The following SETD1A variants were observed in gnomAD, a reference collection of about 807,000 sequenced individuals.
The protein encoded by SETD1A is histone-lysine N-methyltransferase SETD1A.
SETD1A carries 29 observed loss-of-function variants against 149.9 expected under a neutral mutation model. That is an observed-to-expected ratio of 0.19 (90% CI 0.14 to 0.26). SETD1A has a LOEUF of 0.26. Among genes scored for constraint, SETD1A ranks in the 10% least tolerant of loss-of-function variants. The pLI is 1.00. For missense variants in SETD1A, 2,109 were observed against 2,353.1 expected (o/e 0.90, Z 2.15); for synonymous variants, 1,141 against 968.5 (o/e 1.18, Z -3.31).
intron 13 of SETD1A, among the ~76,000 whole-genome samples, chr16:30,972,350 T>C (rs1364071608): frequency 1.3e-5 from 2 of 152,090 alleles, no homozygotes; most frequent in East Asian, 1.9e-4. Context: ...AAGAAATACA[T>C]AGGAGGCCGG....
intron 1 of SETD1A, 41 bp from the exon 2 acceptor site, chr16:30,958,676 C>G: frequency 6.4e-7 from 1 of 1,559,200 alleles, no homozygotes; most frequent in Non-Finnish European, 8.8e-7. Context: ...AGTCAGGCCC[C>G]AAGTCCTGAT....
chr16:30,966,481 G>A (rs2056149206), intron 8 of SETD1A, 95 bp downstream of exon 8: 3 of 1,463,322 alleles, frequency 2.1e-6, no homozygotes, highest in Middle Eastern at 2.3e-4. Flanking sequence ...GGAGACAGGT[G>A]ATGGAGGCGA....
intron 5 of SETD1A, among the ~76,000 whole-genome samples, 153 bp from the exon 6 acceptor site, chr16:30,963,941 G>A (rs985575269): frequency 1.3e-5 from 2 of 151,698 alleles, no homozygotes; most frequent in Non-Finnish European, 2.9e-5. Flanking sequence ...GCAGTGAGCC[G>A]AGATCACGCC....
At position 30,979,198 on chromosome 16, in the gene SETD1A, G is replaced by C. The variant is rs563624333; in HGVS notation, c.3412G>C (p.Ala1138Pro). The C allele has an allele frequency of 2.4e-5, 38 of 1,587,978 alleles. No individual in the cohort carries two copies. The African/African-American group carries it at 4.2e-4, about 17-fold the overall frequency. Residue 1138 changes from alanine to proline, a missense_variant, in exon 14 of 19, where the codon GCT (alanine) becomes CCT (proline). Physicochemically the swap from Ala to Pro is conservative, Grantham distance 27. Around this residue, in one of 8 missense-constraint regions of SETD1A, gnomAD observed 832 missense variants for 815.6 expected, o/e 1.02. Coordinates refer to ENST00000262519, the MANE Select transcript of SETD1A (RefSeq NM_014712.3). ...SAPLRPPEPP[A>P]GPPAPAPRPD... ...GCCTCTGCGTCCCCCAGAACCACCT[G>C]CTGGGCCCCCGGCCCCTGCCCCACG...
chr16:30,959,134 G>T lies in SETD1A; in HGVS notation c.194G>T (p.Cys65Phe). The T allele has an allele frequency of 6.2e-7, 1 of 1,613,958 alleles. No individual in the cohort carries two copies. Among genetic ancestry groups the T allele is most frequent in the African/African-American group, 1.3e-5 (1 of 75,016 alleles). ...IPVEDLQDPR[C>F]HVRSKNRDFS... ...GTCGAAGACCTCCAAGACCCCCGTT[G>T]CCATGTCAGGTCCAAAAACAGAGAC... The change falls in exon 3 of 19, where the codon TGC (cysteine) becomes TTC (phenylalanine). Residue 65 changes from cysteine to phenylalanine, a missense_variant. Transcript: ENST00000262519.
In SETD1A at chr16:30,971,656, A is replaced by G; in HGVS notation, c.3295A>G (p.Arg1099Gly). The G allele has an allele frequency of 6.2e-7, 1 of 1,608,956 alleles. No homozygotes were observed. The highest frequency in any genetic ancestry group is 8.5e-7 in the Non-Finnish European group (1 of 1,176,342). The part of the protein sequence containing the change: ...PAPVEVPVPE[R>G]VAGSPVTPLP... ...ACCTGTGGAGGTGCCAGTGCCGGAA[A>G]GGGTTGCAGGCTCCCCAGTCACACC... Residue 1099 changes from arginine to glycine, a missense_variant, in exon 13 of 19, where the codon AGG (arginine) becomes GGG (glycine). Transcript: ENST00000262519.
In SETD1A at chr16:30,966,232, C is replaced by T. The variant is rs2056145383; in HGVS notation, c.2351C>T (p.Thr784Ile). 2 of 1,613,746 alleles carry T rather than the reference C, an allele frequency of 1.2e-6. No homozygotes were observed. The highest frequency in any genetic ancestry group is 1.7e-6 in the Non-Finnish European group (2 of 1,179,978). ...GAAGCAGAGCTGGCAGAGGGCAAGACCCTCCCGACAGCAGGCACCGTGGGC... is the reference window on the plus strand; with the variant it reads ...GAAGCAGAGCTGGCAGAGGGCAAGATCCTCCCGACAGCAGGCACCGTGGGC... ...REEAELAEGK[T>I]LPTAGTVGRV... Residue 784 changes from threonine (T) to isoleucine (I), a missense_variant, in exon 8 of 19, where the codon ACC becomes ATC. Thr to Ile is a moderately conservative substitution (Grantham distance 89, BLOSUM62 -1). Transcript: ENST00000262519.
In SETD1A at chr16:30,958,697, T is replaced by A; in HGVS notation, c.-15-20T>A. ...GCCCCAAGTCCTGATCCTTCTTGCG[T>A]GTCCCTCTTCCCCTAACAGTGTAAA... is the stretch of plus-strand genomic sequence containing the variant. On this transcript the variant is annotated intron_variant, in intron 1 of 18. Transcript: ENST00000262519. The A allele has an allele frequency of 6.2e-7, 1 of 1,610,858 alleles. No homozygotes were observed. Among genetic ancestry groups the A allele is most frequent in the Non-Finnish European group, 8.5e-7 (1 of 1,177,606 alleles).
intron 13 of SETD1A, 145 bp from the exon 14 acceptor site, chr16:30,979,000 G>C: frequency 1.3e-6 from 1 of 765,308 alleles, no homozygotes; most frequent in Non-Finnish European, 2.1e-6. Context: ...GCTGGGATGT[G>C]GGGCTGAGGC....
intron 13 of SETD1A, among the ~76,000 whole-genome samples, chr16:30,978,022 C>A (rs911159680): frequency 1.3e-5 from 2 of 151,594 alleles, no homozygotes; most frequent in Non-Finnish European, 3.0e-5. Context: ...ACGCCTGTAA[C>A]CCCAGCACTT....
At position 30,983,540 on chromosome 16, in the gene SETD1A, C is replaced by A. The variant is rs942815646; in HGVS notation, c.4813-95C>A. On this transcript the variant is annotated intron_variant, in intron 17 of 18. Coordinates refer to ENST00000262519, the MANE Select transcript of SETD1A (RefSeq NM_014712.3). The surrounding 1 kb of genome is among the most constrained non-coding windows in gnomAD (Gnocchi z 6.8). ...CTGGAGGCAGAGCTGCAGCTCCAGG[C>A]CTGGTGGGCGTGGACCTGGGGTGCT... 7.0e-6 allele frequency: 10 copies of A among 1,438,474 alleles called. No individual in the cohort carries two copies. Among genetic ancestry groups the A allele is most frequent in the Non-Finnish European group, 9.5e-6 (10 of 1,053,666 alleles). The allele number at this position is 1,438,474 out of a possible 1,614,324, so 89.1% of individuals were successfully genotyped here.
rs973524399 is a variant in SETD1A at position 30,971,236 on chromosome 16, T to G, written c.3017-142T>G. 3.7e-6 allele frequency: 3 copies of G among 811,994 alleles called. No individual in the cohort carries two copies. The East Asian group carries it at 8.1e-5, about 22-fold the overall frequency. 50.3% of individuals were successfully genotyped at this position (811,994 alleles called of 1,614,324 possible). On this transcript the variant is annotated intron_variant, in intron 12 of 18. Transcript: ENST00000262519. The stretch of plus-strand genomic sequence containing the variant: ...TGTTTATCTCACAGTGAAAATGGTT[T>G]GCTTATGCAGCTCCTTGGTCTGTTG...
chr16:30,969,306 C>T lies in SETD1A; in HGVS notation c.2772C>T (p.Asp924=). The change falls in exon 11 of 19, where the codon GAC becomes GAT. Residue 924 remains aspartate (D), a splice_region_variant and synonymous_variant. Transcript: ENST00000262519. ...PSTPAEEDED[D]PEQEKEAGEP... is the part of the protein sequence containing the mutation. ...CCAACTACCACTCTGCTGGCCTAGACCCTGAACAAGAGAAGGAGGCTGGAG... is the reference window on the plus strand; with the variant it reads ...CCAACTACCACTCTGCTGGCCTAGATCCTGAACAAGAGAAGGAGGCTGGAG... 4 of 1,613,494 alleles carry T rather than the reference C, an allele frequency of 2.5e-6. No homozygotes were observed. The highest frequency in any genetic ancestry group is 1.1e-5 in the South Asian group (1 of 90,980).
chr16:30,961,787 C>A lies in SETD1A; in HGVS notation c.517+250C>A, dbSNP rs1379594321. Among the ~76,000 whole-genome samples, 1 of 151,394 alleles carries A rather than the reference C, an allele frequency of 6.6e-6. No homozygotes were observed. The highest frequency in any genetic ancestry group is 1.5e-5 in the Non-Finnish European group (1 of 67,860). ...ACTATCTGTAAAAAAAAAAAAAAAT[C>A]ATATGAAGGGTTGTACTAGGTAAGA... On this transcript the variant is annotated intron_variant, in intron 4 of 18. Coordinates refer to ENST00000262519, the MANE Select transcript of SETD1A (RefSeq NM_014712.3). This position sits in a 1 kb window ranked among gnomAD's most constrained non-coding sequence, Gnocchi z 4.0.
chr16:30,971,673 A>C lies in SETD1A; in HGVS notation c.3312A>C (p.Pro1104=). 1.9e-6 allele frequency: 3 copies of C among 1,603,060 alleles called. No individual in the cohort carries two copies. The highest frequency in any genetic ancestry group is 1.7e-4 in the Middle Eastern group (1 of 6,006). ...TGCCGGAAAGGGTTGCAGGCTCCCC[A>C]GTCACACCCCTGCCCGAACAGGAGG... The part of the protein sequence containing the change: ...VPVPERVAGS[P]VTPLPEQEAS... The change falls in exon 13 of 19, where the codon CCA becomes CCC. Residue 1104 remains proline (P), a synonymous_variant. Transcript: ENST00000262519.
intron 17 of SETD1A, among the ~76,000 whole-genome samples, chr16:30,982,374 G>A (rs571066475): frequency 4.6e-5 from 7 of 152,014 alleles, no homozygotes; most frequent in South Asian, 2.1e-4. Context: ...GGTGGCAGGC[G>A]CCTGTAATCC....
chr16:30,983,987 G>C lies in SETD1A; in HGVS notation c.5088G>C (p.Leu1696=). ...TGGAAGACAACAAGATCCCGTGTCT[G>C]TGTGGCACAGAGAGCTGCCGGGGCT... ...FPLEDNKIPC[L]CGTESCRGSL... Residue 1696 remains leucine (L), a synonymous_variant, in exon 19 of 19, where the codon CTG becomes CTC. Coordinates refer to ENST00000262519, the MANE Select transcript of SETD1A (RefSeq NM_014712.3). The surrounding 1 kb of genome is among the most constrained non-coding windows in gnomAD (Gnocchi z 6.8). 1.2e-6 allele frequency: 2 copies of C among 1,614,004 alleles called. No homozygotes were observed. The highest frequency in any genetic ancestry group is 1.7e-6 in the Non-Finnish European group (2 of 1,179,936).
At chr16:30,958,907 A>T in intron 2 of SETD1A, 26 bp downstream of exon 2, 1 of 1,613,102 alleles carries the variant, frequency 6.2e-7, no homozygotes, top group Non-Finnish European at 8.5e-7. Flanking sequence ...TTTGGTTGCC[A>T]TCCGGGGAGC....
chr16:30,975,457 G>C (rs1219180832), intron 13 of SETD1A, among the ~76,000 whole-genome samples: 1 of 135,460 alleles, frequency 7.4e-6, no homozygotes, highest in Non-Finnish European at 1.6e-5. Flanking sequence ...TTGAGATGGA[G>C]TCTCATTGTG....
Sources: allele counts gnomAD v4.1 joint callset (sites outside exome capture counted in the v4.1 genomes callset), GRCh38; gene constraint gnomAD v4.1.1; regional missense constraint gnomAD v4.1.1; non-coding constraint Gnocchi (gnomAD v3.1); transcripts MANE v1.5; gene names NCBI Gene and HGNC (gene_info 2026-07-23, HGNC 2026-07-21).